MYOF: variants seen among roughly 807,000 people sequenced by gnomAD.
MYOF encodes the protein myoferlin, also known as fer-1-like 3, myoferlin.
MYOF carries 244 observed loss-of-function variants against 284.2 expected under a neutral mutation model. The observed-to-expected ratio is 0.86, with a 90% CI of 0.77 to 0.95. MYOF has a LOEUF of 0.95. Ranked by LOEUF, MYOF falls within the 40% of genes least tolerant of loss-of-function variation. The pLI, the probability that MYOF is intolerant of heterozygous loss-of-function variation, is 0.00. For missense variants in MYOF, 2,496 were observed against 2,560.6 expected (o/e 0.97, Z 0.54); for synonymous variants, 904 against 919.7 (o/e 0.98, Z 0.31).
intron 37 of MYOF, among the ~76,000 whole-genome samples, chr10:93,347,216 C>A (rs1844226485): frequency 6.6e-6 from 1 of 152,194 alleles, no homozygotes; most frequent in Non-Finnish European, 1.5e-5. Flanking sequence ...CCAGGACTTA[C>A]CTTGAGTAGG....
intron 48 of MYOF, among the ~76,000 whole-genome samples, chr10:93,320,540 G>A (rs533793603): frequency 1.3e-4 from 20 of 152,126 alleles, no homozygotes; most frequent in African/African-American, 4.6e-4. Context: ...TAATGATACC[G>A]GCAAGGAAGA....
At chr10:93,397,094 A>T in intron 15 of MYOF, 153 bp downstream of exon 15, 2 of 598,286 alleles carry the variant, frequency 3.3e-6, no homozygotes, top group Non-Finnish European at 5.5e-6. Flanking sequence ...CTATTATTAA[A>T]TTTTGTTTTA....
In MYOF at chr10:93,313,210, C is replaced by T. The variant is rs1842474848; in HGVS notation, c.5699G>A (p.Gly1900Asp). 6.2e-7 allele frequency: 1 copy of T among 1,611,822 alleles called. No individual in the cohort carries two copies. The change falls in exon 51 of 54, where the codon GGT becomes GAT. Residue 1900 changes from glycine to aspartate, a missense_variant and splice_region_variant. Coordinates refer to ENST00000359263, the MANE Select transcript of MYOF (RefSeq NM_013451.4). ...GTGACGCAAGTCAAGTTCTAGGAAA[C>T]CTAGCCAAGGAAACAACAGTAAGTC... is the stretch of plus-strand genomic sequence containing the variant. ...NDKFSLDDYLGFLELDLRHTI... is the reference protein window; with the variant it reads ...NDKFSLDDYLDFLELDLRHTI...
At chr10:93,423,848 A>G (rs562895866) in intron 5 of MYOF, among the ~76,000 whole-genome samples, 4 of 151,950 alleles carry the variant, frequency 2.6e-5, no homozygotes, top group African/African-American at 9.6e-5. Flanking sequence ...AAAAAAAACA[A>G]ACCAAAAAAT....
In MYOF at chr10:93,413,813, AC is replaced by A. The variant is rs369487125; in HGVS notation, c.434-4075del. On this transcript the variant is annotated intron_variant, in intron 5 of 53. Coordinates refer to ENST00000359263, the MANE Select transcript of MYOF (RefSeq NM_013451.4). ...AGACCAGCCTGGGCAACATAGGGAG[AC>A]CCCCCATCTCTACAAAAAAAATTTA... 4.7e-3 allele frequency among the ~76,000 whole-genome samples: 716 copies of A among 151,434 alleles called. 4 individuals are homozygous for A. The highest frequency in any genetic ancestry group is 0.017 in the African/African-American group (689 of 41,254).
intron 53 of MYOF, among the ~76,000 whole-genome samples, chr10:93,309,680 T>C (rs1473786034): frequency 6.6e-6 from 1 of 152,002 alleles, no homozygotes; most frequent in Non-Finnish European, 1.5e-5. Context: ...TGCAGGATGG[T>C]TTGGAACAAG....
intron 1 of MYOF, among the ~76,000 whole-genome samples, chr10:93,475,872 T>C (rs1589624489): frequency 1.3e-5 from 2 of 152,202 alleles, no homozygotes; most frequent in East Asian, 3.9e-4. Flanking sequence ...AGGGCCATTG[T>C]AGCTTTATAG....
intron 50 of MYOF, among the ~76,000 whole-genome samples, chr10:93,314,966 G>A (rs983116678): frequency 1.3e-5 from 2 of 152,126 alleles, no homozygotes; most frequent in African/African-American, 2.4e-5. Context: ...TGGGAGGATC[G>A]CCTGAGCCCA....
intron 12 of MYOF, 95 bp from the exon 13 acceptor site, chr10:93,399,590 C>CA: frequency 1.2e-6 from 1 of 817,054 alleles, no homozygotes; most frequent in Admixed American, 2.4e-5. Context: ...ATAGTTGCAA[C>CA]AGGCTAGGCG....
chr10:93,384,653 A>G (rs1404880509), intron 19 of MYOF, among the ~76,000 whole-genome samples: 2 of 152,054 alleles, frequency 1.3e-5, no homozygotes, highest in Non-Finnish European at 2.9e-5. Flanking sequence ...TCAGAAAAAA[A>G]AAAAAAAAAG....
chr10:93,307,228 G>T (rs191118535), intron 53 of MYOF, among the ~76,000 whole-genome samples: 1 of 151,802 alleles, frequency 6.6e-6, no homozygotes, highest in Non-Finnish European at 1.5e-5. Context: ...GTCTCCAGAC[G>T]TTGGCAAATG....
chr10:93,382,816 G>A (rs554975213), intron 19 of MYOF, among the ~76,000 whole-genome samples: 20 of 152,180 alleles, frequency 1.3e-4, no homozygotes, highest in South Asian at 6.2e-4. Context: ...AATACGATCC[G>A]CATCCTGTGT....
intron 24 of MYOF, among the ~76,000 whole-genome samples, chr10:93,371,806 ATGAGTAT>A (rs1845605419): frequency 6.6e-6 from 1 of 152,202 alleles, no homozygotes. Flanking sequence ...AAACTGTGTA[ATGAGTAT>A]TAACAAAATC....
rs1842466419 is a variant in MYOF at position 93,313,085 on chromosome 10, C to T, written c.5824G>A (p.Glu1942Lys). The T allele has an allele frequency of 3.7e-6, 6 of 1,614,072 alleles. No homozygotes were observed. The highest frequency in any genetic ancestry group is 1.7e-4 in the Middle Eastern group (1 of 6,050). ...PLKAKTASLF[E>K]QKSMKGWWPC... ...CACCATCCTTTCATGGACTTCTGCT[C>T]AAAGAGGGAGGCTGTCTTGGCTTTA... is the stretch of plus-strand genomic sequence containing the variant. Residue 1942 changes from glutamate (E) to lysine (K), a missense_variant, in exon 51 of 54, where the codon GAG becomes AAG. By Grantham distance (56) the Glu-to-Lys change is moderately conservative. Coordinates refer to ENST00000359263, the MANE Select transcript of MYOF (RefSeq NM_013451.4).
intron 19 of MYOF, among the ~76,000 whole-genome samples, chr10:93,387,329 G>C (rs1460130537): frequency 6.6e-6 from 1 of 152,210 alleles, no homozygotes; most frequent in African/African-American, 2.4e-5. Flanking sequence ...GAACACACAG[G>C]CATCGACCTG....
At chr10:93,386,321 A>G (rs966998884) in intron 19 of MYOF, among the ~76,000 whole-genome samples, 2 of 152,020 alleles carry the variant, frequency 1.3e-5, no homozygotes, top group African/African-American at 4.8e-5. Flanking sequence ...CTCAAGATCT[A>G]TTGCAATTCC....
intron 3 of MYOF, among the ~76,000 whole-genome samples, chr10:93,448,133 G>C (rs1380367378): frequency 6.6e-6 from 1 of 152,058 alleles, no homozygotes; most frequent in Non-Finnish European, 1.5e-5. Context: ...CGTTTCTCCA[G>C]CATCCCCAGT....
At position 93,397,303 on chromosome 10, in the gene MYOF, G is replaced by A; in HGVS notation, c.1291-13C>T. ...ACACTGAAGGAAACTAAAAAAATGA[G>A]ACAGAAAAAAGTAGTTATTTCTCAA... is the stretch of plus-strand genomic sequence containing the variant. On this transcript the variant is annotated splice_polypyrimidine_tract_variant and intron_variant, in intron 14 of 53. Coordinates refer to ENST00000359263, the MANE Select transcript of MYOF (RefSeq NM_013451.4). 2 of 1,599,158 alleles carry A rather than the reference G, an allele frequency of 1.3e-6. No homozygotes were observed. Among genetic ancestry groups the A allele is most frequent in the Non-Finnish European group, 8.5e-7 (1 of 1,170,400 alleles).
At chr10:93,395,250 C>T (rs1344537737) in intron 16 of MYOF, among the ~76,000 whole-genome samples, 1 of 152,176 alleles carries the variant, frequency 6.6e-6, no homozygotes, top group Non-Finnish European at 1.5e-5. Flanking sequence ...GGAGACCATC[C>T]TGGCCAACAT....
Sources: gnomAD v4.1 joint callset for allele counts (sites outside exome capture counted in the v4.1 genomes callset) on GRCh38, gnomAD v4.1.1 for gene constraint, MANE v1.5 for transcripts, NCBI Gene and HGNC (gene_info 2026-07-23, HGNC 2026-07-21) for gene names.